Variants in SEMA3A observed in about 807,000 individuals in gnomAD.
SEMA3A encodes the protein semaphorin 3A.
In SEMA3A, 29 loss-of-function variants were observed where a neutral mutation model predicts 97.9. The ratio of observed to expected loss-of-function variants is 0.30; its 90% CI spans 0.22 to 0.40. The LOEUF (loss-of-function observed/expected upper bound fraction) is 0.40, where lower values mean the gene tolerates loss of function less well. SEMA3A is among the 10% of genes least tolerant of loss of function. The pLI is 1.00. For synonymous variants in SEMA3A, 321 were observed against 323.7 expected (o/e 0.99, Z 0.09); for missense variants, 763 against 951.3 (o/e 0.80, Z 2.60).
chr7:84,034,322 C>A (rs1791867937), intron 6 of SEMA3A, among the ~76,000 whole-genome samples: 1 of 152,160 alleles, frequency 6.6e-6, no homozygotes, highest in African/African-American at 2.4e-5. Context: ...CAGTATATAT[C>A]TGACTCGACA....
At chr7:84,349,986 T>C (rs1802396170) in intron 2 of SEMA3A, among the ~76,000 whole-genome samples, 1 of 151,762 alleles carries the variant, frequency 6.6e-6, no homozygotes, top group Non-Finnish European at 1.5e-5. Flanking sequence ...TATATCCAAA[T>C]TGGAAAAAAA....
At chr7:84,014,120 A>G (rs535622898) in intron 7 of SEMA3A, 89 bp downstream of exon 7, 1 of 1,044,814 alleles carries the variant, frequency 9.6e-7, no homozygotes, top group Non-Finnish European at 1.4e-6. Context: ...CATAATTTTT[A>G]TTGTATATGC....
At chr7:84,229,803 C>T (rs1473458092) in intron 3 of SEMA3A, among the ~76,000 whole-genome samples, 2 of 151,840 alleles carry the variant, frequency 1.3e-5, no homozygotes, top group African/African-American at 2.4e-5. Flanking sequence ...TCTTTTCTTT[C>T]GAGTCAACAA....
intron 1 of SEMA3A, among the ~76,000 whole-genome samples, chr7:84,165,950 T>C (rs1797192688): frequency 6.6e-6 from 1 of 152,004 alleles, no homozygotes. Flanking sequence ...AAATATAAAA[T>C]GTGGAGGGTG....
At chr7:84,324,315 T>C (rs138104366) in intron 2 of SEMA3A, among the ~76,000 whole-genome samples, 2 of 152,304 alleles carry the variant, frequency 1.3e-5, no homozygotes, top group East Asian at 1.9e-4. Context: ...ATCTTGTTCA[T>C]TAGTGCAAGT....
At chr7:84,319,089 A>G (rs1801584472) in intron 2 of SEMA3A, among the ~76,000 whole-genome samples, 1 of 152,210 alleles carries the variant, frequency 6.6e-6, no homozygotes, top group South Asian at 2.1e-4. Context: ...TACTTAAAAC[A>G]TTTCAGTGAG....
intron 12 of SEMA3A, among the ~76,000 whole-genome samples, chr7:83,991,400 T>A (rs1294437912): frequency 6.6e-6 from 1 of 151,476 alleles, no homozygotes; most frequent in Non-Finnish European, 1.5e-5. Flanking sequence ...CTTGTGCCAG[T>A]TTTCAAAGGG....
intron 3 of SEMA3A, among the ~76,000 whole-genome samples, chr7:84,209,368 A>G (rs1386529873): frequency 6.6e-6 from 1 of 152,320 alleles, no homozygotes; most frequent in East Asian, 1.9e-4. Flanking sequence ...CCAAATGCAT[A>G]GATTATATTA....
At chr7:84,068,269 G>T (rs1281455050) in intron 4 of SEMA3A, among the ~76,000 whole-genome samples, 1 of 144,032 alleles carries the variant, frequency 6.9e-6, no homozygotes, top group Non-Finnish European at 1.5e-5. Flanking sequence ...TCTGGGGACT[G>T]TTGTGGGGTG....
At chr7:84,316,269 T>A (rs1229858465) in intron 2 of SEMA3A, among the ~76,000 whole-genome samples, 1 of 151,960 alleles carries the variant, frequency 6.6e-6, no homozygotes, top group African/African-American at 2.4e-5. Flanking sequence ...CTGGTTAATT[T>A]ATTATGTATA....
intron 1 of SEMA3A, among the ~76,000 whole-genome samples, chr7:84,436,507 T>G (rs931177445): frequency 1.3e-5 from 2 of 152,150 alleles, no homozygotes; most frequent in African/African-American, 4.8e-5. Context: ...TCTAAGCTAA[T>G]GCAATATGCA....
intron 1 of SEMA3A, among the ~76,000 whole-genome samples, chr7:84,397,099 T>G (rs1471167930): frequency 1.3e-5 from 2 of 152,018 alleles, no homozygotes; most frequent in Non-Finnish European, 2.9e-5. Context: ...TAATGAAAGT[T>G]GTGAAAGGCA....
intron 2 of SEMA3A, among the ~76,000 whole-genome samples, chr7:84,348,280 T>TATA: frequency 6.6e-6 from 1 of 152,296 alleles, no homozygotes; most frequent in Non-Finnish European, 1.5e-5. Context: ...GTAGAAATAA[T>TATA]ATATATGAGA....
At chr7:84,191,160 C>T (rs1166768880) in intron 1 of SEMA3A, among the ~76,000 whole-genome samples, 1 of 147,488 alleles carries the variant, frequency 6.8e-6, no homozygotes, top group Non-Finnish European at 1.5e-5. Context: ...CTTCTCTTGT[C>T]ACACATATAC....
At chr7:84,458,739 T>G (rs186846283) in intron 1 of SEMA3A, among the ~76,000 whole-genome samples, 26 of 152,238 alleles carry the variant, frequency 1.7e-4, no homozygotes, top group Non-Finnish European at 3.4e-4. Context: ...GATACATATA[T>G]ACAATGTTTA....
At chr7:84,158,420 G>A (rs1367532160) in intron 1 of SEMA3A, among the ~76,000 whole-genome samples, 1 of 152,030 alleles carries the variant, frequency 6.6e-6, no homozygotes, top group East Asian at 1.9e-4. Context: ...CCAAAGTGCT[G>A]GGATTATAGG....
At chr7:84,180,877 G>A (rs1236619460) in intron 1 of SEMA3A, among the ~76,000 whole-genome samples, 3 of 151,972 alleles carry the variant, frequency 2.0e-5, no homozygotes, top group Admixed American at 1.3e-4. Flanking sequence ...AAGATGTGGA[G>A]GCTATTTCCT....
In SEMA3A at chr7:83,958,392, A is replaced by G. The variant is rs2116232766; in HGVS notation, c.*2979T>C. The stretch of plus-strand genomic sequence containing the variant: ...CAAGTGAATACATGCTAAAAGGAAT[A>G]ATTTACAGCAGCAGTTTCATTACAT... On this transcript the variant is annotated 3_prime_UTR_variant, in exon 17 of 17. Coordinates refer to ENST00000265362, the MANE Select transcript of SEMA3A (RefSeq NM_006080.3). The G allele has an allele frequency of 6.6e-6, 1 of 152,644 alleles. No individual in the cohort carries two copies. Among genetic ancestry groups the G allele is most frequent in the South Asian group, 2.1e-4 (1 of 4,826 alleles). 9.5% of individuals were successfully genotyped at this position (152,644 alleles called of 1,614,324 possible).
At chr7:84,064,406 T>C (rs1793390800) in intron 4 of SEMA3A, among the ~76,000 whole-genome samples, 1 of 152,154 alleles carries the variant, frequency 6.6e-6, no homozygotes, top group South Asian at 2.1e-4. Context: ...CAGGATCAAA[T>C]TCACACATAA....
Sources: gnomAD v4.1 joint callset for allele counts (sites outside exome capture counted in the v4.1 genomes callset) on GRCh38, gnomAD v4.1.1 for gene constraint, MANE v1.5 for transcripts, NCBI Gene and HGNC (gene_info 2026-07-23, HGNC 2026-07-21) for gene names.